The following PDE7A variants were observed in gnomAD, a reference collection of about 807,000 sequenced individuals.
PDE7A encodes the protein phosphodiesterase 7A.
In PDE7A, 39 loss-of-function variants were observed where a neutral mutation model predicts 64.3. The ratio of observed to expected loss-of-function variants is 0.61; its 90% CI spans 0.47 to 0.79. The LOEUF is 0.79. Ranked by LOEUF, PDE7A falls within the 30% of genes least tolerant of loss-of-function variation. The pLI, the probability that PDE7A is intolerant of heterozygous loss-of-function variation, is 0.00. For missense variants in PDE7A, 470 were observed against 582.8 expected (o/e 0.81, Z 1.99); for synonymous variants, 203 against 206.8 (o/e 0.98, Z 0.16).
chr8:65,804,239 T>C (rs988975077), intron 1 of PDE7A, among the ~76,000 whole-genome samples: 5 of 152,162 alleles, frequency 3.3e-5, no homozygotes, highest in Admixed American at 3.3e-4. Context: ...ATTCTAATAT[T>C]TCATTTTTTA....
At chr8:65,821,416 A>C (rs1274688327) in intron 1 of PDE7A, among the ~76,000 whole-genome samples, 4 of 152,208 alleles carry the variant, frequency 2.6e-5, no homozygotes, top group African/African-American at 9.6e-5. Flanking sequence ...ACCCAAAGAA[A>C]GCAAAATAAA....
chr8:65,809,934 T>C (rs1454885721), intron 1 of PDE7A, among the ~76,000 whole-genome samples: 4 of 152,164 alleles, frequency 2.6e-5, no homozygotes, highest in Non-Finnish European at 5.9e-5. Flanking sequence ...TGGAAGACAG[T>C]GTGGCGATTC....
rs80311775 is a variant in PDE7A at position 65,792,484 on chromosome 8, T to C, written c.139-9641A>G. 2.7e-4 allele frequency among the ~76,000 whole-genome samples: 41 copies of C among 152,366 alleles called. 3 individuals are homozygous for C. In the East Asian group the frequency reaches 7.3e-3, roughly 27 times the overall value. On this transcript the variant is annotated intron_variant, in intron 1 of 12. Coordinates refer to ENST00000401827, the MANE Select transcript of PDE7A (RefSeq NM_001242318.3). ...ACCTGTCAATCTTGGCAATAGCCTT[T>C]AGCTATCCATACAGAGACTCGGCAT...
chr8:65,797,025 T>C (rs1809860993), intron 1 of PDE7A, among the ~76,000 whole-genome samples: 1 of 152,200 alleles, frequency 6.6e-6, no homozygotes, highest in African/African-American at 2.4e-5. Flanking sequence ...ACTGTATTTC[T>C]ATATATTAGT....
chr8:65,727,484 A>C, intron 7 of PDE7A, 183 bp from the exon 8 acceptor site: 1 of 684,848 alleles, frequency 1.5e-6, no homozygotes, highest in Non-Finnish European at 2.3e-6. Flanking sequence ...TCTCATCACC[A>C]CACTGGCAAA....
intron 1 of PDE7A, among the ~76,000 whole-genome samples, chr8:65,804,262 C>T (rs1311442337): frequency 6.6e-6 from 1 of 152,106 alleles, no homozygotes; most frequent in Non-Finnish European, 1.5e-5. Flanking sequence ...CCTATACCTA[C>T]CCTAATTCAA....
At chr8:65,745,752 G>T (rs1807644410) in intron 4 of PDE7A, among the ~76,000 whole-genome samples, 1 of 152,162 alleles carries the variant, frequency 6.6e-6, no homozygotes, top group Admixed American at 6.5e-5. Flanking sequence ...AAACCTTTAA[G>T]AATTCTAGTA....
chr8:65,780,124 ATT>A (rs1234687185), intron 2 of PDE7A, among the ~76,000 whole-genome samples: 2 of 145,234 alleles, frequency 1.4e-5, no homozygotes, highest in Non-Finnish European at 1.5e-5. Flanking sequence ...CATGGGCAAC[ATT>A]TTTTTTTTTT....
At position 65,719,322 on chromosome 8, in the gene PDE7A, G is replaced by A; in HGVS notation, c.1417C>T (p.Gln473Ter). The change falls in exon 13 of 13, where the codon CAG (glutamine) becomes TAG (stop). Residue 473 changes from glutamine to a stop codon, truncating the protein, a stop_gained. Coordinates refer to ENST00000401827, the MANE Select transcript of PDE7A (RefSeq NM_001242318.3). LOFTEE classifies it high-confidence loss of function. ...AACCGATTTTCCTGAGGTAATAACT[G>A]TGAGTTCAACTCAAATGCAGCATCA... is the stretch of plus-strand genomic sequence containing the variant. ...DTDAAFELNS[Q>*]LLPQENRLS 6.2e-7 allele frequency: 1 copy of A among 1,613,904 alleles called. No individual in the cohort carries two copies. Among genetic ancestry groups the A allele is most frequent in the Non-Finnish European group, 8.5e-7 (1 of 1,179,790 alleles).
At chr8:65,768,139 G>C (rs1283588570) in intron 3 of PDE7A, among the ~76,000 whole-genome samples, 1 of 152,326 alleles carries the variant, frequency 6.6e-6, no homozygotes, top group East Asian at 1.9e-4. Flanking sequence ...CTGTGTTGAT[G>C]ACTGCCATGG....
intron 1 of PDE7A, among the ~76,000 whole-genome samples, chr8:65,821,456 G>C (rs1180303033): frequency 6.6e-6 from 1 of 152,150 alleles, no homozygotes; most frequent in African/African-American, 2.4e-5. Context: ...TCTCATATTT[G>C]AAACTATATA....
intron 2 of PDE7A, among the ~76,000 whole-genome samples, chr8:65,781,734 T>A (rs1809425312): frequency 6.6e-6 from 1 of 152,186 alleles, no homozygotes; most frequent in African/African-American, 2.4e-5. Flanking sequence ...ATGTTTTGCT[T>A]TAGACATGTT....
At chr8:65,815,450 G>A (rs947921145) in intron 1 of PDE7A, among the ~76,000 whole-genome samples, 1 of 152,110 alleles carries the variant, frequency 6.6e-6, no homozygotes. Flanking sequence ...AACAAAATTT[G>A]AGATTTAAGA....
chr8:65,723,496 CAG>C, intron 12 of PDE7A, 43 bp downstream of exon 12: 2 of 1,383,898 alleles, frequency 1.4e-6, no homozygotes, highest in South Asian at 2.0e-5. Flanking sequence ...TTGATAAAAA[CAG>C]TGGCATTTTT....
chr8:65,726,908 G>A lies in PDE7A; in HGVS notation c.887C>T (p.Ser296Leu). The A allele has an allele frequency of 6.2e-7, 1 of 1,605,662 alleles. No individual in the cohort carries two copies. The highest frequency in any genetic ancestry group is 2.2e-5 in the East Asian group (1 of 44,766). Residue 296 changes from serine (S) to leucine (L), a missense_variant, in exon 9 of 13, where the codon TCA becomes TTA. Ser to Leu is a moderately radical substitution (Grantham distance 145). Transcript: ENST00000401827. ...WRSAVGLLRE[S>L]GLFSHLPLES... Reference sequence around the variant, plus strand: ...TAATGGCAGATGTGAGAATAAGCCTGATTCTCTCAATAAGCCCACTGCAGA... The same window carrying A: ...TAATGGCAGATGTGAGAATAAGCCTAATTCTCTCAATAAGCCCACTGCAGA...
chr8:65,745,443 T>G lies in PDE7A; in HGVS notation c.463A>C (p.Asn155His). The G allele has an allele frequency of 1.3e-6, 2 of 1,575,180 alleles. No homozygotes were observed. The highest frequency in any genetic ancestry group is 2.2e-5 in the South Asian group (2 of 90,254). Residue 155 changes from asparagine (N) to histidine (H), a missense_variant, in exon 5 of 13, where the codon AAT becomes CAT. Transcript: ENST00000401827. ...KCMLEKVGNW[N>H]FDIFLFDRLT... ...CTATCAAATAGAAAGATATCAAAAT[T>G]CCAATTTCCAACTTTTTCCAGCATA...
intron 5 of PDE7A, among the ~76,000 whole-genome samples, chr8:65,745,059 G>A (rs1181118710): frequency 6.6e-6 from 1 of 152,126 alleles, no homozygotes; most frequent in Admixed American, 6.5e-5. Context: ...TGTTCTTGTG[G>A]TAGTGGATAA....
At chr8:65,814,164 T>C (rs1028191253) in intron 1 of PDE7A, among the ~76,000 whole-genome samples, 1 of 152,160 alleles carries the variant, frequency 6.6e-6, no homozygotes, top group African/African-American at 2.4e-5. Flanking sequence ...GATATAAAGA[T>C]GTGCAAGATA....
intron 1 of PDE7A, among the ~76,000 whole-genome samples, chr8:65,815,740 G>A (rs1810385610): frequency 9.0e-6 from 1 of 110,520 alleles, no homozygotes; most frequent in African/African-American, 6.2e-5. Context: ...TAATGTAACA[G>A]TACAAAAAAA....
Sources: allele counts gnomAD v4.1 joint callset (sites outside exome capture counted in the v4.1 genomes callset), GRCh38; gene constraint gnomAD v4.1.1; transcripts MANE v1.5; gene names NCBI Gene and HGNC (gene_info 2026-07-23, HGNC 2026-07-21).